GAS7: variants seen among roughly 807,000 people sequenced by gnomAD.
GAS7 encodes the protein growth arrest specific 7, also known as growth arrest-specific protein 7.
A neutral mutation model predicts 71.1 loss-of-function variants in GAS7; 28 were observed. That is an observed-to-expected ratio of 0.39 (90% CI 0.29 to 0.54). The LOEUF (loss-of-function observed/expected upper bound fraction) is 0.54. Ranked by LOEUF, GAS7 falls within the 20% of genes least tolerant of loss-of-function variation. The pLI, the probability that GAS7 is intolerant of heterozygous loss-of-function variation, is 0.62. For synonymous variants in GAS7, 258 were observed against 245.8 expected (o/e 1.05, Z -0.46); for missense variants, 436 against 627.8 (o/e 0.69, Z 3.27).
intron 4 of GAS7, among the ~76,000 whole-genome samples, chr17:9,968,784 C>G (rs2069829261): frequency 6.6e-6 from 1 of 152,168 alleles, no homozygotes; most frequent in Non-Finnish European, 1.5e-5. Flanking sequence ...TACATAGAAT[C>G]CACTGCACAC....
chr17:9,949,640 A>G (rs2068926175), intron 5 of GAS7, among the ~76,000 whole-genome samples: 1 of 152,146 alleles, frequency 6.6e-6, no homozygotes, highest in African/African-American at 2.4e-5. Context: ...TGAGGTCCCC[A>G]CCACCCTAGA....
At chr17:10,159,065 C>CATATATATATATATATATAT (rs745794234) in intron 1 of GAS7, among the ~76,000 whole-genome samples, 1,034 of 59,566 alleles carry the variant, frequency 0.017, 22 homozygotes, top group Non-Finnish European at 0.021. Flanking sequence ...GTCTCTAAAA[C>CATATATATATATATATATAT]ATATATATAT....
In GAS7 at chr17:9,960,181, A is replaced by G. The variant is rs190479206; in HGVS notation, c.472-926T>C. Among the ~76,000 whole-genome samples, 748 of 150,852 alleles carry G rather than the reference A, an allele frequency of 5.0e-3. 2 individuals carry two copies. Among genetic ancestry groups the G allele is most frequent in the Non-Finnish European group, 8.6e-3 (582 of 67,720 alleles). On this transcript the variant is annotated intron_variant, in intron 4 of 13. Transcript: ENST00000432992. The stretch of plus-strand genomic sequence containing the variant: ...CACACTTGTGCCCCAGGACTTGTGC[A>G]TGACCTTATTCTTTTTTTTTTTTTT...
chr17:9,955,406 C>G (rs961179299), intron 5 of GAS7, among the ~76,000 whole-genome samples: 2 of 152,240 alleles, frequency 1.3e-5, no homozygotes, highest in African/African-American at 4.8e-5. Context: ...GTTTGTTCAA[C>G]AAAAGCAAAT....
intron 1 of GAS7, among the ~76,000 whole-genome samples, chr17:10,175,348 G>A (rs1351148136): frequency 3.3e-5 from 5 of 151,944 alleles, no homozygotes; most frequent in South Asian, 2.1e-4. Context: ...GTTTGCTGGG[G>A]CTGCCACAAA....
intron 4 of GAS7, among the ~76,000 whole-genome samples, chr17:9,968,272 C>T (rs139396969): frequency 2.6e-5 from 4 of 152,248 alleles, no homozygotes; most frequent in South Asian, 2.1e-4. Context: ...AGAAGGAGAC[C>T]GATAGGCCAG....
At chr17:9,983,038 C>T (rs1415128967) in intron 2 of GAS7, among the ~76,000 whole-genome samples, 3 of 151,698 alleles carry the variant, frequency 2.0e-5, no homozygotes, top group Non-Finnish European at 2.9e-5. Context: ...GGAAAACACA[C>T]AAAAATAAAT....
At chr17:10,151,178 AT>A (rs891904110) in intron 1 of GAS7, among the ~76,000 whole-genome samples, 2 of 150,718 alleles carry the variant, frequency 1.3e-5, no homozygotes, top group Admixed American at 6.6e-5. Flanking sequence ...AAGTTTGGTT[AT>A]TTTTTTTTAG....
chr17:9,980,473 A>G (rs867297128), intron 3 of GAS7, among the ~76,000 whole-genome samples: 1 of 152,190 alleles, frequency 6.6e-6, no homozygotes, highest in Non-Finnish European at 1.5e-5. Flanking sequence ...AAAACTTTAC[A>G]CAGGCTCTCA....
chr17:9,997,210 T>C (rs2071081781), intron 2 of GAS7, among the ~76,000 whole-genome samples: 1 of 130,084 alleles, frequency 7.7e-6, no homozygotes. Flanking sequence ...AGAAATTAAA[T>C]TCCATATGGC....
chr17:9,952,205 A>C (rs893609140), intron 5 of GAS7, among the ~76,000 whole-genome samples: 1 of 152,120 alleles, frequency 6.6e-6, no homozygotes, highest in Non-Finnish European at 1.5e-5. Flanking sequence ...CTGAGCTCTC[A>C]AGTGATGCTG....
intron 1 of GAS7, among the ~76,000 whole-genome samples, chr17:10,144,622 C>A (rs1454045311): frequency 6.6e-6 from 1 of 152,146 alleles, no homozygotes; most frequent in Non-Finnish European, 1.5e-5. Context: ...CGGCTCACTG[C>A]AGCTTTGACC....
At chr17:10,077,615 T>G (rs889228112) in intron 1 of GAS7, among the ~76,000 whole-genome samples, 2 of 152,078 alleles carry the variant, frequency 1.3e-5, no homozygotes, top group African/African-American at 4.8e-5. Context: ...GACTGCCCTA[T>G]CCCAATGGCA....
At chr17:9,982,122 C>G (rs1039123690) in intron 2 of GAS7, among the ~76,000 whole-genome samples, 1 of 152,094 alleles carries the variant, frequency 6.6e-6, no homozygotes, top group Non-Finnish European at 1.5e-5. Flanking sequence ...GCTGGGGGCC[C>G]TTCTTGATGA....
intron 6 of GAS7, among the ~76,000 whole-genome samples, chr17:9,944,800 G>C (rs538512748): frequency 6.6e-6 from 1 of 152,312 alleles, no homozygotes; most frequent in East Asian, 1.9e-4. Flanking sequence ...TGATGAAAAA[G>C]CAGAAGGAAA....
rs187898959 is a variant in GAS7, at chr17:10,080,748, T to A, written c.184-60851A>T. On this transcript the variant is annotated intron_variant, in intron 1 of 13. Coordinates refer to ENST00000432992, the MANE Select transcript of GAS7 (RefSeq NM_201433.2). ...TTGTTCATAGAACTCAAGGAGGTAA[T>A]CCTAGAATTCACAGGAAATAGTCAA... 5.1e-4 allele frequency among the ~76,000 whole-genome samples: 77 copies of A among 152,318 alleles called. 1 individual carries two copies. In the East Asian group the frequency reaches 8.7e-3, roughly 17 times the overall value.
intron 1 of GAS7, among the ~76,000 whole-genome samples, chr17:10,060,844 T>C (rs561658065): frequency 1.1e-4 from 16 of 152,154 alleles, no homozygotes; most frequent in Non-Finnish European, 2.4e-4. Flanking sequence ...GTAGCCTGTG[T>C]TTCTGAACCA....
At chr17:10,176,502 G>A (rs2074375084) in intron 1 of GAS7, among the ~76,000 whole-genome samples, 1 of 152,224 alleles carries the variant, frequency 6.6e-6, no homozygotes, top group Non-Finnish European at 1.5e-5. Flanking sequence ...CCCTGAATGG[G>A]CAGCAGAATG....
chr17:10,085,782 T>C (rs879317487), intron 1 of GAS7, among the ~76,000 whole-genome samples: 1 of 152,028 alleles, frequency 6.6e-6, no homozygotes, highest in African/African-American at 2.4e-5. Flanking sequence ...ACATTTTAAT[T>C]TAGTCCTTCC....
Sources: gnomAD v4.1 joint callset for allele counts (sites outside exome capture counted in the v4.1 genomes callset) on GRCh38, gnomAD v4.1.1 for gene constraint, MANE v1.5 for transcripts, NCBI Gene and HGNC (gene_info 2026-07-23, HGNC 2026-07-21) for gene names.